GSE1: variants seen among roughly 807,000 people sequenced by gnomAD.
GSE1 encodes genetic suppressor element 1.
GSE1 carries 32 observed loss-of-function variants against 112.6 expected under a neutral mutation model. The observed-to-expected ratio is 0.28, with a 90% CI of 0.21 to 0.38. GSE1 has a LOEUF of 0.38. GSE1 is among the 10% of genes least tolerant of loss of function. The pLI is 1.00. For synonymous variants in GSE1, 1,115 were observed against 735.6 expected (o/e 1.52, Z -8.35); for missense variants, 2,348 against 1,699.2 (o/e 1.38, Z -6.71).
chr16:85,469,410 C>A (rs559712685), intron 2 of GSE1, among the ~76,000 whole-genome samples: 4 of 152,266 alleles, frequency 2.6e-5, no homozygotes, highest in African/African-American at 9.6e-5. Flanking sequence ...CCACCAGATG[C>A]TGGAAGGGGC....
chr16:85,256,098 G>A (rs1055296900), intron 1 of GSE1, among the ~76,000 whole-genome samples: 1 of 152,158 alleles, frequency 6.6e-6, no homozygotes, highest in African/African-American at 2.4e-5. Context: ...TCATAGTGTT[G>A]TGGGGCTGAA....
intron 2 of GSE1, among the ~76,000 whole-genome samples, chr16:85,479,523 C>G (rs1372496696): frequency 6.6e-6 from 1 of 152,090 alleles, no homozygotes; most frequent in Non-Finnish European, 1.5e-5. Context: ...AGGCTGGTCT[C>G]AAGCTCCTGA....
chr16:85,498,095 G>T (rs566267216), intron 2 of GSE1, among the ~76,000 whole-genome samples: 40 of 152,234 alleles, frequency 2.6e-4, no homozygotes, highest in African/African-American at 9.1e-4. Flanking sequence ...GGGTGTGTGG[G>T]CAGGGCCGTG....
In GSE1 at chr16:85,661,127, G is replaced by T. The variant is rs778993772; in HGVS notation, c.1641-19G>T. ...AAGGGTCTTTTCTCCCTGACTGAAG[G>T]GTTGGTTTCACTCCCTAGGCCAGGA... On this transcript the variant is annotated intron_variant, in intron 8 of 15. Transcript: ENST00000253458. 4 of 1,546,658 alleles carry T rather than the reference G, an allele frequency of 2.6e-6. No homozygotes were observed. Among genetic ancestry groups the T allele is most frequent in the Middle Eastern group, 1.7e-4 (1 of 5,760 alleles).
At chr16:85,331,707 A>ATATT (rs1567693591) in intron 1 of GSE1, among the ~76,000 whole-genome samples, 1 of 51,976 alleles carries the variant, frequency 1.9e-5, no homozygotes, top group Non-Finnish European at 4.1e-5. Context: ...ATATATATAT[A>ATATT]TTTTTTTTTT....
At chr16:85,324,977 G>T (rs919705858) in intron 1 of GSE1, among the ~76,000 whole-genome samples, 6 of 151,610 alleles carry the variant, frequency 4.0e-5, no homozygotes, top group East Asian at 3.9e-4. Context: ...ATTTTTATCC[G>T]TTTTTTTTGA....
chr16:85,226,208 G>C (rs993147249), intron 1 of GSE1, among the ~76,000 whole-genome samples: 5 of 152,222 alleles, frequency 3.3e-5, no homozygotes, highest in African/African-American at 9.7e-5. Context: ...CACTGGCAGA[G>C]AGGCCGTCTA....
intron 1 of GSE1, among the ~76,000 whole-genome samples, chr16:85,220,090 G>A (rs1336106774): frequency 1.3e-5 from 2 of 152,336 alleles, no homozygotes; most frequent in East Asian, 1.9e-4. Flanking sequence ...CCTTCTGGCT[G>A]GGGGGCCAGC....
rs2044441713 is a variant in GSE1, at chr16:85,539,355, C to T, written c.2465-94559C>T. Among the ~76,000 whole-genome samples, 6 of 152,200 alleles carry T rather than the reference C, an allele frequency of 3.9e-5. No homozygotes were observed. In the South Asian group the frequency reaches 1.0e-3, roughly 26 times the overall value. On this transcript the variant is annotated intron_variant, in intron 2 of 2. Coordinates refer to the GSE1 transcript ENST00000637419. ...GGGTGCAGTTAGTCAAGGCGGGCGG[C>T]TCTCTGCAGATTTCAGGGGTGAGGG... is the stretch of plus-strand genomic sequence containing the variant.
chr16:85,306,260 A>C (rs1254156646), intron 1 of GSE1: 2 of 154,104 alleles, frequency 1.3e-5, no homozygotes, highest in East Asian at 1.9e-4. Flanking sequence ...TCATTTCCTA[A>C]TCCTCCTAGC....
At chr16:85,423,254 C>T (rs1405176794) in intron 2 of GSE1, among the ~76,000 whole-genome samples, 1 of 152,252 alleles carries the variant, frequency 6.6e-6, no homozygotes, top group African/African-American at 2.4e-5. Context: ...ATTTCCAGAC[C>T]TGCATGGACG....
chr16:85,220,453 A>G (rs2075371683), intron 1 of GSE1, among the ~76,000 whole-genome samples: 1 of 152,272 alleles, frequency 6.6e-6, no homozygotes, highest in African/African-American at 2.4e-5. Context: ...AAAATCAAGC[A>G]GATGGCTGCA....
In GSE1 at chr16:85,676,111, A is replaced by C. The variant is rs940523768; in HGVS notation, c.*3572A>C. Reference sequence around the variant, plus strand: ...ACTTGTTTGAATTAATTGTATTGTAATATTATTTGTTGAATGTAGTAATTA... The same window carrying C: ...ACTTGTTTGAATTAATTGTATTGTACTATTATTTGTTGAATGTAGTAATTA... On this transcript the variant is annotated 3_prime_UTR_variant, in exon 16 of 16. Transcript: ENST00000253458. The C allele has an allele frequency of 6.5e-6, 1 of 152,674 alleles. No homozygotes were observed. The highest frequency in any genetic ancestry group is 1.5e-5 in the Non-Finnish European group (1 of 68,050). 9.5% of individuals were successfully genotyped at this position (152,674 alleles called of 1,614,324 possible).
intron 1 of GSE1, among the ~76,000 whole-genome samples, chr16:85,616,032 AGATCTGAGTGCCTT>A (rs2048349508): frequency 3.9e-5 from 6 of 152,212 alleles, no homozygotes; most frequent in Non-Finnish European, 7.4e-5. Context: ...CAGGGGCTGC[AGATCTGAGTGCCTT>A]GTGGTTTCAG....
chr16:85,394,490 G>A (rs971033961), intron 2 of GSE1, among the ~76,000 whole-genome samples: 7 of 152,136 alleles, frequency 4.6e-5, no homozygotes, highest in Admixed American at 1.3e-4. Context: ...GTGGTTCCTC[G>A]GATGAGCGGC....
intron 1 of GSE1, among the ~76,000 whole-genome samples, chr16:85,206,929 C>G (rs890848739): frequency 2.6e-5 from 4 of 152,066 alleles, no homozygotes; most frequent in Non-Finnish European, 5.9e-5. Context: ...GGGCCAGCGC[C>G]GGTGGCCAAG....
At chr16:85,219,169 C>T (rs758011805) in intron 1 of GSE1, among the ~76,000 whole-genome samples, 15 of 151,830 alleles carry the variant, frequency 9.9e-5, no homozygotes, top group East Asian at 1.9e-4. Flanking sequence ...TGAGCCACCG[C>T]GCCCGGCCTA....
chr16:85,541,556 C>T (rs1416258522), intron 2 of GSE1, among the ~76,000 whole-genome samples: 1 of 152,246 alleles, frequency 6.6e-6, no homozygotes, highest in Non-Finnish European at 1.5e-5. Flanking sequence ...CAGCAGACCC[C>T]TGCCAGCCAC....
chr16:85,663,661 G>A, intron 11 of GSE1, 47 bp downstream of exon 11: 1 of 1,570,462 alleles, frequency 6.4e-7, no homozygotes, highest in Non-Finnish European at 8.6e-7. Context: ...TGGGGTGGAA[G>A]TGGGTTTCTG....
Sources: gnomAD v4.1 joint callset for allele counts (sites outside exome capture counted in the v4.1 genomes callset) on GRCh38, gnomAD v4.1.1 for gene constraint, MANE v1.5 for transcripts, NCBI Gene and HGNC (gene_info 2026-07-23, HGNC 2026-07-21) for gene names.